PIK3R5: variants seen among roughly 807,000 people sequenced by gnomAD.
PIK3R5 encodes phosphoinositide-3-kinase regulatory subunit 5, also known as phosphoinositide 3-kinase regulatory subunit 5.
A neutral mutation model predicts 94.9 loss-of-function variants in PIK3R5; 32 were observed. That is an observed-to-expected ratio of 0.34 (90% CI 0.25 to 0.45). The LOEUF (loss-of-function observed/expected upper bound fraction) is 0.45. Ranked by LOEUF, PIK3R5 falls within the 20% of genes least tolerant of loss-of-function variation. The pLI is 1.00. For missense variants in PIK3R5, 853 were observed against 1,144.6 expected (o/e 0.75, Z 3.68); for synonymous variants, 443 against 479.4 (o/e 0.92, Z 0.99).
Position 8,909,231 on chromosome 17 carries a change from G to T in PIK3R5, c.104-57C>A, listed in dbSNP as rs2090469135. On this transcript the variant is annotated intron_variant, in intron 2 of 18. Coordinates refer to ENST00000447110, the MANE Select transcript of PIK3R5 (RefSeq NM_001142633.3). This position sits in a 1 kb window ranked among gnomAD's most constrained non-coding sequence, Gnocchi z 4.3. ...TCTGGTGTCTTCCAGTCACACTCAG[G>T]CAGGGGCTGTAAAGAAGGGGCATTT... The T allele has an allele frequency of 3.8e-6, 4 of 1,052,930 alleles. No homozygotes were observed. The highest frequency in any genetic ancestry group is 2.0e-5 in the Admixed American group (1 of 50,092). 65.2% of individuals were successfully genotyped at this position (1,052,930 alleles called of 1,614,324 possible). A position where few individuals can be genotyped will look rare whatever the true frequency, so the allele number is the denominator to read the frequency against.
intron 12 of PIK3R5, 34 bp downstream of exon 12, chr17:8,887,062 G>A (rs1337669497): frequency 1.2e-6 from 2 of 1,612,434 alleles, no homozygotes; most frequent in Non-Finnish European, 1.7e-6. Flanking sequence ...ACTGCAGCCA[G>A]TGGACCCTGT....
Position 8,880,965 on chromosome 17 carries a change from C to G in PIK3R5, c.2435G>C (p.Ser812Thr). 1 of 1,614,148 alleles carries G rather than the reference C, an allele frequency of 6.2e-7. No individual in the cohort carries two copies. Among genetic ancestry groups the G allele is most frequent in the Non-Finnish European group, 8.5e-7 (1 of 1,179,998 alleles). The stretch of plus-strand genomic sequence containing the variant: ...GTCCAGGCACACAGCAAAGGGGCAG[C>G]TGTTGGAGCCGATGATCTGCACCTT... ...VDKVQIIGSN[S>T]CPFAVCLDQD... Residue 812 changes from serine to threonine, a missense_variant, in exon 18 of 19, where the codon AGC becomes ACC. By Grantham distance (58) the Ser-to-Thr change is moderately conservative. This residue lies in a region of PIK3R5 where 91 missense variants were observed against 90.5 expected (regional missense o/e 1.01). Coordinates refer to ENST00000447110, the MANE Select transcript of PIK3R5 (RefSeq NM_001142633.3).
intron 1 of PIK3R5, among the ~76,000 whole-genome samples, chr17:8,919,308 ACCTTTTATATATTTACATAG>A (rs1344409993): frequency 6.6e-6 from 1 of 152,170 alleles, no homozygotes; most frequent in Non-Finnish European, 1.5e-5. Context: ...TGGCTCTAAG[ACCTTTTATATATTTACATAG>A]CCTTATGCCC....
chr17:8,919,501 C>T (rs1458649191), intron 1 of PIK3R5, among the ~76,000 whole-genome samples: 2 of 152,134 alleles, frequency 1.3e-5, no homozygotes, highest in Non-Finnish European at 2.9e-5. Context: ...TTCTGGGGCT[C>T]TGTGGGGGAT....
rs542731056 is a variant in PIK3R5, at chr17:8,937,385, T to C, written c.-13-25878A>G. 7.2e-5 allele frequency among the ~76,000 whole-genome samples: 11 copies of C among 152,340 alleles called. No homozygotes were observed. In the East Asian group the frequency reaches 2.1e-3, roughly 29 times the overall value. On this transcript the variant is annotated intron_variant, in intron 1 of 18. Transcript: ENST00000447110. ...TAATGTTAGCTGTACGTTTTCTGTA[T>C]AAGTATTTATCAAGCTGAAGAAGTT...
rs139590819 is a variant in PIK3R5, at chr17:8,913,169, G to A, written c.-13-1662C>T. Among the ~76,000 whole-genome samples the A allele has an allele frequency of 1.3e-3, 205 of 152,318 alleles. 2 individuals are homozygous for A. Among genetic ancestry groups the A allele is most frequent in the Non-Finnish European group, 8.5e-4 (58 of 68,016 alleles). ...TGGGGACCCCCCTCCAGGGTGTTGG[G>A]GGGTCAGGGAGGCCTCTCTGAAGAA... On this transcript the variant is annotated intron_variant, in intron 1 of 18. Transcript: ENST00000447110.
chr17:8,936,113 TTAAAG>T (rs1411011102), intron 1 of PIK3R5, among the ~76,000 whole-genome samples: 1 of 152,076 alleles, frequency 6.6e-6, no homozygotes, highest in African/African-American at 2.4e-5. Flanking sequence ...ACTTTAATTC[TTAAAG>T]TAGTTTTAGG....
chr17:8,904,298 T>C lies in PIK3R5; in HGVS notation c.412+479A>G, dbSNP rs545306778. The stretch of plus-strand genomic sequence containing the variant: ...CATGAAAACTGAGTCCCGGGTCTTG[T>C]CCACATTTGTCACAGTGGTCATTGT... On this transcript the variant is annotated intron_variant, in intron 5 of 18. Coordinates refer to ENST00000447110, the MANE Select transcript of PIK3R5 (RefSeq NM_001142633.3). This position sits in a 1 kb window ranked among gnomAD's most constrained non-coding sequence, Gnocchi z 5.1. Among the ~76,000 whole-genome samples the C allele has an allele frequency of 3.9e-5, 6 of 152,318 alleles. No individual in the cohort carries two copies. In the South Asian group the frequency reaches 1.2e-3, roughly 32 times the overall value.
chr17:8,937,999 C>T (rs966317349), intron 1 of PIK3R5, among the ~76,000 whole-genome samples: 1 of 152,070 alleles, frequency 6.6e-6, no homozygotes, highest in Non-Finnish European at 1.5e-5. Context: ...TTAGTAAAGA[C>T]GGGGTTTCAC....
intron 1 of PIK3R5, among the ~76,000 whole-genome samples, chr17:8,940,906 C>T (rs931699562): frequency 6.6e-6 from 1 of 152,154 alleles, no homozygotes; most frequent in Non-Finnish European, 1.5e-5. Flanking sequence ...TGAGTTGGGA[C>T]ACAGCCAGAG....
Position 8,911,156 on chromosome 17 carries a change from C to T in PIK3R5, c.103+236G>A, listed in dbSNP as rs889241688. Among the ~76,000 whole-genome samples the T allele has an allele frequency of 6.6e-6, 1 of 152,186 alleles. No homozygotes were observed. Among genetic ancestry groups the T allele is most frequent in the Non-Finnish European group, 1.5e-5 (1 of 68,042 alleles). On this transcript the variant is annotated intron_variant, in intron 2 of 18. Coordinates refer to ENST00000447110, the MANE Select transcript of PIK3R5 (RefSeq NM_001142633.3). The surrounding 1 kb of genome is among the most constrained non-coding windows in gnomAD (Gnocchi z 5.3). ...TCTTCCAGAAGTAAAAGGCAGCCAG[C>T]CCTGAGTAGGATGAGGAAGATGCCG...
At chr17:8,941,958 C>G (rs926810909) in intron 1 of PIK3R5, among the ~76,000 whole-genome samples, 3 of 152,216 alleles carry the variant, frequency 2.0e-5, no homozygotes, top group Non-Finnish European at 4.4e-5. Flanking sequence ...TTCCCATGAC[C>G]ATCTGAATTC....
In PIK3R5 at chr17:8,889,797, C is replaced by T. The variant is rs937354088; in HGVS notation, c.811+176G>A. ...ATCATGATAGCACCCCCACCCTGCC[C>T]CTATAGACAGGAATGAGACACCCTA... is the stretch of plus-strand genomic sequence containing the variant. On this transcript the variant is annotated intron_variant, in intron 8 of 18. Transcript: ENST00000447110. The surrounding 1 kb of genome is among the most constrained non-coding windows in gnomAD (Gnocchi z 4.1). Among the ~76,000 whole-genome samples the T allele has an allele frequency of 6.6e-6, 1 of 152,130 alleles. No individual in the cohort carries two copies. The highest frequency in any genetic ancestry group is 1.5e-5 in the Non-Finnish European group (1 of 68,014).
In PIK3R5 at chr17:8,879,986, C is replaced by T. The variant is rs1204359184; in HGVS notation, c.*653G>A. ...AGAATCTCAGATTCCAAAAGGAGAT[C>T]AAGAGAGAATCTGTGCCGGGTTCTG... On this transcript the variant is annotated 3_prime_UTR_variant, in exon 19 of 19. Transcript: ENST00000447110. This position sits in a 1 kb window ranked among gnomAD's most constrained non-coding sequence, Gnocchi z 4.4. The T allele has an allele frequency of 6.6e-6, 1 of 152,150 alleles. No homozygotes were observed. The highest frequency in any genetic ancestry group is 2.4e-5 in the African/African-American group (1 of 41,426). The allele number at this position is 152,150 out of a possible 1,614,324, so 9.4% of individuals were successfully genotyped here.
rs546036682 is a variant in PIK3R5, at chr17:8,907,064, G to T, written c.205-1327C>A. Among the ~76,000 whole-genome samples the T allele has an allele frequency of 2.6e-5, 4 of 151,984 alleles. No homozygotes were observed. The South Asian group carries it at 8.3e-4, about 32-fold the overall frequency. On this transcript the variant is annotated intron_variant, in intron 3 of 18. Transcript: ENST00000447110. ...TTTTGAGATGGAGTCTCGCTCTGTC[G>T]CCAGGCTGGAGTGCAGTGGTGCAAT...
Position 8,955,024 on chromosome 17 carries a change from C to T in PIK3R5, c.-14+10572G>A, listed in dbSNP as rs1454981557. The stretch of plus-strand genomic sequence containing the variant: ...TGGAGTTTGCCAGAGGCTCAGGGGT[C>T]TGAAGCAGCCCAGAGGAGGACACCT... On this transcript the variant is annotated intron_variant, in intron 1 of 18. Coordinates refer to ENST00000447110, the MANE Select transcript of PIK3R5 (RefSeq NM_001142633.3). This position sits in a 1 kb window ranked among gnomAD's most constrained non-coding sequence, Gnocchi z 4.4. Among the ~76,000 whole-genome samples, 1 of 151,772 alleles carries T rather than the reference C, an allele frequency of 6.6e-6. No individual in the cohort carries two copies. The highest frequency in any genetic ancestry group is 1.9e-4 in the East Asian group (1 of 5,170).
rs1295454433 is a variant in PIK3R5, at chr17:8,893,745, A to G, written c.413-90T>C. The G allele has an allele frequency of 2.3e-5, 23 of 1,008,332 alleles. 1 individual carries two copies. Among genetic ancestry groups the G allele is most frequent in the Non-Finnish European group, 6.2e-6 (4 of 642,958 alleles). 62.5% of individuals were successfully genotyped at this position (1,008,332 alleles called of 1,614,324 possible). A position where few individuals can be genotyped will look rare whatever the true frequency, so the allele number is the denominator to read the frequency against. ...GTGGGGAGCCAAGCACTGGACAATC[A>G]GGTTGGAAATTCCCGGATGGAGCTC... On this transcript the variant is annotated intron_variant, in intron 5 of 18. Coordinates refer to ENST00000447110, the MANE Select transcript of PIK3R5 (RefSeq NM_001142633.3). This position sits in a 1 kb window ranked among gnomAD's most constrained non-coding sequence, Gnocchi z 5.1.
chr17:8,931,548 A>G (rs899171929), intron 1 of PIK3R5, among the ~76,000 whole-genome samples: 2 of 152,186 alleles, frequency 1.3e-5, no homozygotes, highest in African/African-American at 4.8e-5. Context: ...GTAGAATGCA[A>G]GCAGAGTACA....
chr17:8,940,395 C>T (rs781708613), intron 1 of PIK3R5, among the ~76,000 whole-genome samples: 5 of 42,006 alleles, frequency 1.2e-4, no homozygotes, highest in African/African-American at 2.4e-4. Context: ...AAGCAACCAC[C>T]GGCCATCCTC....
Sources: gnomAD v4.1 joint callset for allele counts (sites outside exome capture counted in the v4.1 genomes callset) on GRCh38, gnomAD v4.1.1 for gene constraint, gnomAD v4.1.1 regional missense constraint, Gnocchi (gnomAD v3.1) non-coding constraint, MANE v1.5 for transcripts, NCBI Gene and HGNC (gene_info 2026-07-23, HGNC 2026-07-21) for gene names.